Variants in NALF1 observed in about 807,000 individuals in gnomAD.
The protein encoded by NALF1 is family with sequence similarity 155 member A.
Under a neutral mutation model 48.4 loss-of-function variants are expected in NALF1, and 3 were observed. The observed-to-expected ratio is 0.06, with a 90% confidence interval of 0.03 to 0.16. NALF1 has a LOEUF of 0.16. Ranked by LOEUF, NALF1 falls within the 10% of genes least tolerant of loss-of-function variation. The pLI is 1.00. For synonymous variants in NALF1, 262 were observed against 245.7 expected (o/e 1.07, Z -0.62); for missense variants, 526 against 571.5 (o/e 0.92, Z 0.81).
intron 1 of NALF1, among the ~76,000 whole-genome samples, chr13:107,697,330 C>T (rs527597986): frequency 7.8e-4 from 119 of 152,120 alleles, no homozygotes; most frequent in South Asian, 3.5e-3. Flanking sequence ...GAATACCTCA[C>T]ATGAAGATTC....
At chr13:107,210,528 C>T in intron 2 of NALF1, 56 bp downstream of exon 2, 1 of 1,246,156 alleles carries the variant, frequency 8.0e-7, no homozygotes. Context: ...ACAAACATCA[C>T]ACAAGAAAGC....
intron 1 of NALF1, among the ~76,000 whole-genome samples, chr13:107,236,397 C>A (rs942644383): frequency 6.6e-6 from 1 of 152,070 alleles, no homozygotes; most frequent in Non-Finnish European, 1.5e-5. Context: ...TCACTCTCTT[C>A]GGACACTGTG....
chr13:107,230,954 G>A (rs1880208441), intron 1 of NALF1, among the ~76,000 whole-genome samples: 1 of 151,350 alleles, frequency 6.6e-6, no homozygotes, highest in African/African-American at 2.4e-5. Flanking sequence ...CAGCTACTCA[G>A]GAGGCTGAGG....
At chr13:107,804,902 T>A (rs1207739300) in intron 1 of NALF1, among the ~76,000 whole-genome samples, 1 of 152,198 alleles carries the variant, frequency 6.6e-6, no homozygotes, top group Non-Finnish European at 1.5e-5. Flanking sequence ...TCTTTGTTAA[T>A]GTAAGCAGAT....
At chr13:107,193,559 T>A (rs1456069780) in intron 2 of NALF1, among the ~76,000 whole-genome samples, 1 of 152,084 alleles carries the variant, frequency 6.6e-6, no homozygotes, top group Non-Finnish European at 1.5e-5. Context: ...CAGATGTGGT[T>A]TTGGGGAGCA....
rs76866938 is a variant in NALF1 at position 107,732,964 on chromosome 13, A to G, written c.915+132718T>C. On this transcript the variant is annotated intron_variant, in intron 1 of 2. Transcript: ENST00000375915. ...TTAAGGAAGTTCAGAAAAAGGTAAG[A>G]GGTTTGGGGTGACGGCACCATTGTG... Among the ~76,000 whole-genome samples, 4,017 of 152,198 alleles carry G rather than the reference A, an allele frequency of 0.026. 297 individuals carry two copies. The East Asian group carries it at 0.3, about 11-fold the overall frequency.
At chr13:107,175,040 C>T (rs1342869907) in intron 2 of NALF1, among the ~76,000 whole-genome samples, 46 of 91,278 alleles carry the variant, frequency 5.0e-4, no homozygotes, top group East Asian at 1.1e-3. Flanking sequence ...CCCGCCACGA[C>T]GCCCGGCTAA....
At chr13:107,617,550 C>T (rs1879411746) in intron 1 of NALF1, among the ~76,000 whole-genome samples, 1 of 152,100 alleles carries the variant, frequency 6.6e-6, no homozygotes, top group African/African-American at 2.4e-5. Flanking sequence ...AAATATCTGA[C>T]CACCACCGCA....
rs1428095487 is a variant in NALF1, at chr13:107,862,553, GTTCT to G, written c.915+3125_915+3128del. ...ATTAATGATATAGTCAACATCTCGTGTTCTTTATTTATCCATAAATAATTTCCCA... is the reference window on the plus strand; with the variant it reads ...ATTAATGATATAGTCAACATCTCGTGTTATTTATCCATAAATAATTTCCCA... On this transcript the variant is annotated intron_variant, in intron 1 of 2. Transcript: ENST00000375915. Among the ~76,000 whole-genome samples, 3 of 151,938 alleles carry G rather than the reference GTTCT, an allele frequency of 2.0e-5. No homozygotes were observed. The South Asian group carries it at 6.2e-4, about 32-fold the overall frequency.
rs1883070926 is a variant in NALF1 at position 107,362,062 on chromosome 13, C to T, written c.916-151307G>A. Among the ~76,000 whole-genome samples, 1 of 152,090 alleles carries T rather than the reference C, an allele frequency of 6.6e-6. No homozygotes were observed. The highest frequency in any genetic ancestry group is 6.5e-5 in the Admixed American group (1 of 15,268). On this transcript the variant is annotated intron_variant, in intron 1 of 2. Coordinates refer to ENST00000375915, the MANE Select transcript of NALF1 (RefSeq NM_001080396.3). The surrounding 1 kb of genome is among the most constrained non-coding windows in gnomAD (Gnocchi z 4.6). ...AAACTAGTAAACAGAAGTCGCACTG[C>T]CAGCCTGCAGTGCATAGGTAGAGAT...
chr13:107,353,270 G>GA (rs1882906891), intron 1 of NALF1, among the ~76,000 whole-genome samples: 1 of 152,178 alleles, frequency 6.6e-6, no homozygotes, highest in South Asian at 2.1e-4. Flanking sequence ...TTTCTTCTAT[G>GA]AATTTGCCTT....
intron 1 of NALF1, among the ~76,000 whole-genome samples, chr13:107,774,516 A>T (rs1003688881): frequency 1.3e-5 from 2 of 152,212 alleles, no homozygotes; most frequent in African/African-American, 4.8e-5. Flanking sequence ...GCCAAATTAA[A>T]ACCTCTCTGA....
intron 1 of NALF1, among the ~76,000 whole-genome samples, chr13:107,650,612 G>A (rs1880428801): frequency 1.3e-5 from 2 of 151,992 alleles, no homozygotes; most frequent in Non-Finnish European, 2.9e-5. Context: ...GAAAAAAACT[G>A]CAAATATGGT....
chr13:107,413,719 C>G (rs191366941), intron 1 of NALF1, among the ~76,000 whole-genome samples: 86 of 152,170 alleles, frequency 5.7e-4, no homozygotes, highest in Non-Finnish European at 1.0e-3. Flanking sequence ...GTATAGGTTG[C>G]TAAAATGTTT....
intron 1 of NALF1, among the ~76,000 whole-genome samples, chr13:107,285,657 T>C (rs192025184): frequency 3.7e-4 from 57 of 152,190 alleles, no homozygotes; most frequent in Non-Finnish European, 1.8e-4. Context: ...GTATAGCATA[T>C]ATATGGTATA....
chr13:107,390,741 G>C (rs1402524347), intron 1 of NALF1, among the ~76,000 whole-genome samples: 2 of 152,080 alleles, frequency 1.3e-5, no homozygotes, highest in Non-Finnish European at 2.9e-5. Context: ...GGCACAGAGA[G>C]ATAAAGTAAA....
In NALF1 at chr13:107,731,117, G is replaced by T. The variant is rs190957951; in HGVS notation, c.915+134565C>A. ...AGCATTATGCAATGTTGTTTTTGCT[G>T]TGGTCTTTCTTAGGCAGCTAGTATG... On this transcript the variant is annotated intron_variant, in intron 1 of 2. Coordinates refer to ENST00000375915, the MANE Select transcript of NALF1 (RefSeq NM_001080396.3). Among the ~76,000 whole-genome samples the T allele has an allele frequency of 8.7e-4, 132 of 152,238 alleles. No individual in the cohort carries two copies. In the Middle Eastern group the frequency reaches 0.01, roughly 12 times the overall value.
At chr13:107,663,406 G>C (rs113456987) in intron 1 of NALF1, among the ~76,000 whole-genome samples, 10 of 152,314 alleles carry the variant, frequency 6.6e-5, no homozygotes, top group African/African-American at 2.4e-4. Context: ...TTTATCACCA[G>C]TGCTGGAAAA....
intron 1 of NALF1, among the ~76,000 whole-genome samples, chr13:107,730,306 C>CAATCAAT (rs1876274020): frequency 6.6e-6 from 1 of 152,170 alleles, no homozygotes; most frequent in African/African-American, 2.4e-5. Flanking sequence ...GATTCAGGCT[C>CAATCAAT]AATCAATACT....
Sources: gnomAD v4.1 joint callset for allele counts (sites outside exome capture counted in the v4.1 genomes callset) on GRCh38, gnomAD v4.1.1 for gene constraint, Gnocchi (gnomAD v3.1) non-coding constraint, MANE v1.5 for transcripts, NCBI Gene and HGNC (gene_info 2026-07-23, HGNC 2026-07-21) for gene names.